Variants in NCK2 observed in about 807,000 individuals in gnomAD.
NCK2 encodes the protein cytoplasmic protein NCK2.
Under a neutral mutation model 33.9 loss-of-function variants are expected in NCK2, and 16 were observed. That is an observed-to-expected ratio of 0.47 (90% confidence interval 0.32 to 0.72). The LOEUF (loss-of-function observed/expected upper bound fraction) is 0.72, where lower values mean the gene tolerates loss of function less well. Among genes scored for constraint, NCK2 ranks in the 30% least tolerant of loss-of-function variants. The pLI is 0.03. For missense variants in NCK2, 418 were observed against 537.3 expected, an observed-to-expected ratio of 0.78 and a Z score of 2.19; for synonymous variants, 273 against 239.9, an observed-to-expected ratio of 1.14 and a Z score of -1.27.
chr2:105,796,043 T>C (rs1325804054), intron 1 of NCK2, among the ~76,000 whole-genome samples: 1 of 152,256 alleles, frequency 6.6e-6, no homozygotes, highest in Non-Finnish European at 1.5e-5. Flanking sequence ...ATAAATCATA[T>C]GTGCAGTCAA....
chr2:105,756,936 G>A (rs1431169976), intron 1 of NCK2, among the ~76,000 whole-genome samples: 1 of 152,110 alleles, frequency 6.6e-6, no homozygotes, highest in Non-Finnish European at 1.5e-5. Context: ...CTCCCGAGTA[G>A]CTGGGATTAC....
At chr2:105,782,807 C>G (rs1356349945) in intron 1 of NCK2, among the ~76,000 whole-genome samples, 1 of 152,198 alleles carries the variant, frequency 6.6e-6, no homozygotes, top group African/African-American at 2.4e-5. Flanking sequence ...GCTCTGGCAG[C>G]CACAGCACCT....
intron 2 of NCK2, among the ~76,000 whole-genome samples, chr2:105,821,622 G>A (rs760558780): frequency 1.1e-4 from 17 of 152,236 alleles, no homozygotes; most frequent in East Asian, 1.9e-4. Flanking sequence ...ACAGTGCCCC[G>A]GTGGTGCAGT....
intron 1 of NCK2, among the ~76,000 whole-genome samples, chr2:105,807,183 C>T (rs1434646697): frequency 6.6e-6 from 1 of 152,194 alleles, no homozygotes; most frequent in East Asian, 1.9e-4. Context: ...GAACCTGGGC[C>T]CTGACCGGAA....
Position 105,830,680 on chromosome 2 carries a change from T to TGTGC in NCK2, c.-17+14070_-17+14071insCGTG, listed in dbSNP as rs1428755883. Among the ~76,000 whole-genome samples the TGTGC allele has an allele frequency of 3.3e-4, 40 of 122,736 alleles. 1 individual carries two copies. Among genetic ancestry groups the TGTGC allele is most frequent in the Admixed American group, 3.1e-3 (37 of 12,028 alleles). The allele number at this position is 122,736 out of a possible 152,430, so 80.5% of individuals were successfully genotyped here. On this transcript the variant is annotated intron_variant, in intron 2 of 4. Coordinates refer to ENST00000233154, the MANE Select transcript of NCK2 (RefSeq NM_003581.5). ...CCTTGCCAGGAATTTGGTGTGTGTG[T>TGTGC]GTGTGTGTGTGTGTGTGTGTGTGTG...
At chr2:105,836,586 G>A (rs1676446717) in intron 2 of NCK2, among the ~76,000 whole-genome samples, 2 of 152,176 alleles carry the variant, frequency 1.3e-5, no homozygotes, top group African/African-American at 4.8e-5. Context: ...TTCAGGCTCT[G>A]GGGAGACTGT....
chr2:105,881,650 C>T lies in NCK2; in HGVS notation c.549C>T (p.Arg183=), dbSNP rs1384589200. Residue 183 remains arginine, a synonymous_variant, in exon 4 of 5, where the codon CGC becomes CGT. Coordinates refer to ENST00000233154, the MANE Select transcript of NCK2 (RefSeq NM_003581.5). ...AAESPSFLSL[R]KGASLSNGQG... ...AGTCCCCAAGCTTCCTGAGCCTGCG[C>T]AAGGGCGCCTCGCTGAGCAATGGCC... 6.2e-7 allele frequency: 1 copy of T among 1,613,252 alleles called. No homozygotes were observed. Among genetic ancestry groups the T allele is most frequent in the Admixed American group, 1.7e-5 (1 of 60,008 alleles).
intron 3 of NCK2, among the ~76,000 whole-genome samples, chr2:105,870,891 C>T (rs992147584): frequency 1.3e-5 from 2 of 152,088 alleles, no homozygotes; most frequent in Non-Finnish European, 2.9e-5. Flanking sequence ...CTAGGAGCAA[C>T]ATCACTGACA....
At chr2:105,892,076 G>C (rs62148193) in intron 4 of NCK2, among the ~76,000 whole-genome samples, 117 of 151,996 alleles carry the variant, frequency 7.7e-4, no homozygotes, top group African/African-American at 2.4e-3. Context: ...GTGGCACATC[G>C]GGAGGCTGAG....
chr2:105,891,665 C>T (rs1678992287), intron 4 of NCK2, among the ~76,000 whole-genome samples: 2 of 150,262 alleles, frequency 1.3e-5, no homozygotes, highest in South Asian at 4.2e-4. Flanking sequence ...CCTGCCTCAG[C>T]CTCCCAAGTA....
intron 1 of NCK2, among the ~76,000 whole-genome samples, chr2:105,773,254 A>G (rs944379288): frequency 4.6e-5 from 7 of 151,872 alleles, no homozygotes; most frequent in Non-Finnish European, 4.4e-5. Context: ...TAAGAAACCA[A>G]CATCAGCAAT....
chr2:105,886,059 T>A (rs746455916), intron 4 of NCK2, among the ~76,000 whole-genome samples: 1 of 152,246 alleles, frequency 6.6e-6, no homozygotes, highest in Non-Finnish European at 1.5e-5. Flanking sequence ...ATCCATGGTG[T>A]TTCTTCATAA....
intron 1 of NCK2, among the ~76,000 whole-genome samples, chr2:105,770,131 AAAAAAAAAAAAG>A (rs1269238228): frequency 1.4e-4 from 21 of 151,036 alleles, no homozygotes; most frequent in African/African-American, 4.6e-4. Flanking sequence ...AAGTAAAAAA[AAAAAAAAAAAAG>A]AAAAAGGTAT....
chr2:105,839,455 A>G (rs1374824715), intron 2 of NCK2, among the ~76,000 whole-genome samples: 1 of 152,092 alleles, frequency 6.6e-6, no homozygotes, highest in East Asian at 1.9e-4. Flanking sequence ...TGCTGCTGGA[A>G]AGAATGGGGA....
At chr2:105,843,782 C>CA (rs1267802937) in intron 2 of NCK2, among the ~76,000 whole-genome samples, 1 of 152,152 alleles carries the variant, frequency 6.6e-6, no homozygotes, top group Non-Finnish European at 1.5e-5. Flanking sequence ...ATCTCCTGTG[C>CA]AAAAGGTTTC....
chr2:105,851,356 C>G (rs1279183814), intron 2 of NCK2, among the ~76,000 whole-genome samples: 1 of 151,940 alleles, frequency 6.6e-6, no homozygotes, highest in African/African-American at 2.4e-5. Context: ...ATCCGCCTCC[C>G]GGGTTCAAGC....
At chr2:105,836,872 A>G (rs1035582497) in intron 2 of NCK2, among the ~76,000 whole-genome samples, 3 of 152,180 alleles carry the variant, frequency 2.0e-5, no homozygotes, top group Non-Finnish European at 4.4e-5. Flanking sequence ...CTCAGGGAGT[A>G]GGGGCTACCC....
chr2:105,844,753 T>TAC (rs1234149990), intron 2 of NCK2, among the ~76,000 whole-genome samples: 39 of 144,558 alleles, frequency 2.7e-4, no homozygotes, highest in African/African-American at 9.6e-4. Context: ...GGGGGATATA[T>TAC]ATATATATAT....
At chr2:105,806,920 C>T (rs1045884264) in intron 1 of NCK2, among the ~76,000 whole-genome samples, 4 of 152,188 alleles carry the variant, frequency 2.6e-5, no homozygotes, top group African/African-American at 9.7e-5. Context: ...CTTGCAGGTA[C>T]TTCTCAGATG....
Sources: gnomAD v4.1 joint callset for allele counts (sites outside exome capture counted in the v4.1 genomes callset) on GRCh38, gnomAD v4.1.1 for gene constraint, MANE v1.5 for transcripts, NCBI Gene and HGNC (gene_info 2026-07-23, HGNC 2026-07-21) for gene names.